PHACTR1: variants seen among roughly 807,000 people sequenced by gnomAD.
PHACTR1 encodes phosphatase and actin regulator 1, also known as RPEL repeat containing 1.
PHACTR1 carries 16 observed loss-of-function variants against 69.2 expected under a neutral mutation model. The observed-to-expected ratio is 0.23, with a 90% CI of 0.16 to 0.35. PHACTR1 has a LOEUF of 0.35. PHACTR1 is among the 10% of genes least tolerant of loss of function. The pLI is 1.00. For synonymous variants in PHACTR1, 312 were observed against 284.5 expected (o/e 1.10, Z -0.97); for missense variants, 510 against 734.7 (o/e 0.69, Z 3.54).
At position 13,256,913 on chromosome 6, in the gene PHACTR1, A is replaced by C. The variant is rs562454857; in HGVS notation, c.1392-15947A>C. ...CTCTTCCAATCTCTGTCCATTACCC[A>C]GTTCCAAAGTCACTTCCACATATCC... On this transcript the variant is annotated intron_variant, in intron 10 of 14. Coordinates refer to ENST00000332995, the MANE Select transcript of PHACTR1 (RefSeq NM_030948.6). 7.9e-4 allele frequency among the ~76,000 whole-genome samples: 120 copies of C among 152,302 alleles called. 1 individual carries two copies. Among genetic ancestry groups the C allele is most frequent in the Admixed American group, 7.1e-3 (108 of 15,292 alleles).
At position 12,873,501 on chromosome 6, in the gene PHACTR1, CT is replaced by C. The variant is rs141157234; in HGVS notation, c.250+123714del. Among the ~76,000 whole-genome samples, 1,502 of 151,988 alleles carry C rather than the reference CT, an allele frequency of 9.9e-3. 29 individuals are homozygous for C. Among genetic ancestry groups the C allele is most frequent in the African/African-American group, 0.035 (1,432 of 41,436 alleles). On this transcript the variant is annotated intron_variant, in intron 4 of 14. Transcript: ENST00000332995. ...TAAACACATAAGTGCGTTACTGAGC[CT>C]TTAAGTCCCTCAGAAGTTAGTGGAA...
intron 5 of PHACTR1, among the ~76,000 whole-genome samples, chr6:13,099,513 G>A (rs1204873548): frequency 6.6e-6 from 1 of 152,190 alleles, no homozygotes; most frequent in Non-Finnish European, 1.5e-5. Context: ...CATTCCCATG[G>A]GGTGCAGCTT....
At chr6:12,922,571 A>C (rs920565736) in intron 4 of PHACTR1, among the ~76,000 whole-genome samples, 1 of 152,042 alleles carries the variant, frequency 6.6e-6, no homozygotes, top group South Asian at 2.1e-4. Flanking sequence ...ATCCATAAAC[A>C]TGGAGATGGA....
At chr6:12,965,071 G>A (rs1357138761) in intron 4 of PHACTR1, among the ~76,000 whole-genome samples, 1 of 152,082 alleles carries the variant, frequency 6.6e-6, no homozygotes, top group Non-Finnish European at 1.5e-5. Context: ...ATCATCTCTA[G>A]CTTACGTATA....
At chr6:13,124,551 C>G (rs939072540) in intron 5 of PHACTR1, among the ~76,000 whole-genome samples, 1 of 152,130 alleles carries the variant, frequency 6.6e-6, no homozygotes, top group African/African-American at 2.4e-5. Context: ...TGCCTTTATC[C>G]TTAGTCAAAT....
chr6:12,957,316 C>A, intron 4 of PHACTR1: 2 of 950,702 alleles, frequency 2.1e-6, no homozygotes, highest in Non-Finnish European at 2.5e-6. Flanking sequence ...TGCATTTCCT[C>A]TGAATCCTCT....
chr6:12,755,615 TA>T (rs1245060247), intron 4 of PHACTR1, among the ~76,000 whole-genome samples: 24 of 152,130 alleles, frequency 1.6e-4, no homozygotes, highest in African/African-American at 5.6e-4. Flanking sequence ...AAATATTAGT[TA>T]TATTTTTAAT....
intron 4 of PHACTR1, among the ~76,000 whole-genome samples, chr6:12,803,689 T>C (rs1384624300): frequency 1.3e-5 from 2 of 152,212 alleles, no homozygotes; most frequent in African/African-American, 4.8e-5. Flanking sequence ...TTTCTCAACT[T>C]TGGCACTATT....
intron 4 of PHACTR1, among the ~76,000 whole-genome samples, chr6:12,923,944 G>A (rs1478877864): frequency 3.3e-5 from 5 of 152,184 alleles, no homozygotes; most frequent in Non-Finnish European, 5.9e-5. Context: ...CACCATAAAG[G>A]TGGAGGTTTG....
At chr6:12,932,156 C>T (rs1031791731) in intron 4 of PHACTR1, among the ~76,000 whole-genome samples, 1 of 152,154 alleles carries the variant, frequency 6.6e-6, no homozygotes, top group Non-Finnish European at 1.5e-5. Flanking sequence ...CTTCAATAAC[C>T]TGTTTCTCCT....
At chr6:12,783,101 AAATGAAAGGCTGTC>A (rs1285970018) in intron 4 of PHACTR1, among the ~76,000 whole-genome samples, 12 of 152,224 alleles carry the variant, frequency 7.9e-5, no homozygotes, top group African/African-American at 2.9e-4. Flanking sequence ...TGTTGACAGA[AAATGAAAGGCTGTC>A]AACAGCCTGT....
chr6:12,757,822 G>T (rs946524631), intron 4 of PHACTR1, among the ~76,000 whole-genome samples: 4 of 152,090 alleles, frequency 2.6e-5, no homozygotes, highest in Non-Finnish European at 5.9e-5. Flanking sequence ...CATTTAAAAA[G>T]CAGTTATGGC....
chr6:12,880,230 CTTTTTTTT>C (rs61160052), intron 4 of PHACTR1, among the ~76,000 whole-genome samples: 2 of 107,766 alleles, frequency 1.9e-5, no homozygotes, highest in African/African-American at 6.9e-5. Flanking sequence ...ACTTTTTTTT[CTTTTTTTT>C]TTTTTTTTGA....
intron 4 of PHACTR1, among the ~76,000 whole-genome samples, chr6:12,947,721 A>G (rs1790841060): frequency 6.6e-6 from 1 of 152,184 alleles, no homozygotes; most frequent in East Asian, 1.9e-4. Context: ...AATCCTCACA[A>G]TCACCCTAAG....
intron 5 of PHACTR1, among the ~76,000 whole-genome samples, chr6:13,087,145 A>T (rs1181539619): frequency 6.8e-6 from 1 of 147,624 alleles, no homozygotes; most frequent in Non-Finnish European, 1.5e-5. Flanking sequence ...TATATATAAC[A>T]TATATATTTT....
At chr6:13,200,877 A>T (rs1423991554) in intron 7 of PHACTR1, among the ~76,000 whole-genome samples, 1 of 149,992 alleles carries the variant, frequency 6.7e-6, no homozygotes, top group Non-Finnish European at 1.5e-5. Context: ...CGGGAGCGGG[A>T]GGTTGCAGTG....
intron 5 of PHACTR1, 101 bp downstream of exon 5, chr6:13,053,630 G>A: frequency 2.9e-6 from 4 of 1,362,982 alleles, no homozygotes; most frequent in Admixed American, 2.7e-5. Flanking sequence ...AACCAAAGGA[G>A]AAAAAATATC....
At chr6:12,773,943 T>C in intron 4 of PHACTR1, among the ~76,000 whole-genome samples, 1 of 152,202 alleles carries the variant, frequency 6.6e-6, no homozygotes, top group East Asian at 1.9e-4. Context: ...CCAGAAAGTA[T>C]ATTCTAAACT....
At chr6:12,885,667 G>A (rs555778372) in intron 4 of PHACTR1, among the ~76,000 whole-genome samples, 1 of 152,184 alleles carries the variant, frequency 6.6e-6, no homozygotes, top group African/African-American at 2.4e-5. Flanking sequence ...CTTGCATGTC[G>A]CTTTATTCCT....
Sources: allele counts gnomAD v4.1 joint callset (sites outside exome capture counted in the v4.1 genomes callset), GRCh38; gene constraint gnomAD v4.1.1; transcripts MANE v1.5; gene names NCBI Gene and HGNC (gene_info 2026-07-23, HGNC 2026-07-21).